SLC36A1: variants seen among roughly 807,000 people sequenced by gnomAD.
SLC36A1 encodes solute carrier family 36 member 1.
Under a neutral mutation model 47.5 loss-of-function variants are expected in SLC36A1, and 30 were observed. That is an observed-to-expected ratio of 0.63 (90% CI 0.47 to 0.86). The LOEUF (loss-of-function observed/expected upper bound fraction) is 0.86, where lower values mean the gene tolerates loss of function less well. Ranked by LOEUF, SLC36A1 falls within the 40% of genes least tolerant of loss-of-function variation. The probability of loss-of-function intolerance (pLI) is 0.00; values close to 1 mark genes in which losing one functional copy is unlikely to be tolerated. For missense variants in SLC36A1, 517 were observed against 606.0 expected (o/e 0.85, Z 1.54); for synonymous variants, 255 against 249.7 (o/e 1.02, Z -0.20).
chr5:151,420,405 T>C, the SLC36A1 span, among the ~76,000 whole-genome samples: 1 of 152,194 alleles, frequency 6.6e-6, no homozygotes, highest in East Asian at 1.9e-4. Context: ...AGTCAGGACC[T>C]GACCCTAGGC....
downstream of SLC36A1, among the ~76,000 whole-genome samples, chr5:151,496,836 C>T (rs1472587611): frequency 6.6e-6 from 1 of 152,098 alleles, no homozygotes; most frequent in Non-Finnish European, 1.5e-5. Flanking sequence ...TTTATCAGAT[C>T]CTGTGTTTTG....
the SLC36A1 span, chr5:151,534,397 T>G: frequency 6.3e-7 from 1 of 1,594,904 alleles, no homozygotes; most frequent in Non-Finnish European, 8.6e-7. Context: ...CCTCAATCCT[T>G]CTCAGACTCA....
chr5:151,443,618 C>T (rs1277105588), upstream of SLC36A1, among the ~76,000 whole-genome samples: 2 of 152,120 alleles, frequency 1.3e-5, no homozygotes, highest in Non-Finnish European at 2.9e-5. Flanking sequence ...CATAAGCTGC[C>T]GTTACACTTT....
the SLC36A1 span, chr5:151,504,990 C>G: frequency 1.3e-5 from 2 of 154,956 alleles, no homozygotes; most frequent in East Asian, 3.8e-4. Flanking sequence ...TGACGTGGAG[C>G]AGACACTTGA....
the SLC36A1 span, chr5:151,380,763 TG>T: frequency 1.9e-6 from 1 of 537,012 alleles, no homozygotes; most frequent in South Asian, 1.4e-5. Context: ...TGCAGACAGA[TG>T]GTGGACATTG....
chr5:151,496,286 C>T (rs149844352), downstream of SLC36A1, among the ~76,000 whole-genome samples: 7 of 152,280 alleles, frequency 4.6e-5, no homozygotes, highest in South Asian at 4.1e-4. Flanking sequence ...CCTTCCGCCG[C>T]GATTGTGAGG....
the SLC36A1 span, chr5:151,521,494 G>C: frequency 2.5e-6 from 4 of 1,614,118 alleles, no homozygotes; most frequent in South Asian, 4.4e-5. Context: ...GATGATGGAT[G>C]CTAGCTCCTG....
the SLC36A1 span, chr5:151,347,354 G>A: frequency 6.2e-7 from 1 of 1,614,132 alleles, no homozygotes; most frequent in East Asian, 2.2e-5. Context: ...ATCCAAGAAT[G>A]TAGAGTCCTT....
At chr5:151,438,760 A>C (rs1393260334) in intron 1 of SLC36A1, among the ~76,000 whole-genome samples, 2 of 152,186 alleles carry the variant, frequency 1.3e-5, no homozygotes, top group African/African-American at 4.8e-5. Context: ...CAGGCACCAG[A>C]GACCTGGCAT....
the SLC36A1 span, among the ~76,000 whole-genome samples, chr5:151,374,062 G>A: frequency 6.6e-6 from 1 of 152,156 alleles, no homozygotes; most frequent in East Asian, 1.9e-4. Flanking sequence ...CTAGTCCAAG[G>A]TGCAAGGCCC....
the SLC36A1 span, among the ~76,000 whole-genome samples, chr5:151,430,799 C>A: frequency 2.0e-5 from 3 of 152,130 alleles, no homozygotes; most frequent in Admixed American, 1.3e-4. Context: ...TTTTGGGTAT[C>A]CTCACTGGCA....
At chr5:151,530,465 A>G in the SLC36A1 span, among the ~76,000 whole-genome samples, 10 of 152,338 alleles carry the variant, frequency 6.6e-5, no homozygotes, top group East Asian at 1.3e-3. Context: ...GGAAAATTCT[A>G]TTAGACACAT....
At chr5:151,481,639 C>CTT (rs796528266) in intron 10 of SLC36A1, among the ~76,000 whole-genome samples, 2 of 145,892 alleles carry the variant, frequency 1.4e-5, no homozygotes, top group African/African-American at 5.0e-5. Context: ...AGTGTAGTTT[C>CTT]TTTTTTTTTT....
chr5:151,544,282 G>A, the SLC36A1 span: 3 of 1,614,230 alleles, frequency 1.9e-6, no homozygotes, highest in East Asian at 6.7e-5. Flanking sequence ...CAAGCCTTCT[G>A]AGATGGAAGT....
the SLC36A1 span, among the ~76,000 whole-genome samples, chr5:151,377,311 T>G: frequency 6.6e-6 from 1 of 151,814 alleles, no homozygotes; most frequent in Non-Finnish European, 1.5e-5. Flanking sequence ...AGTGGGGTAT[T>G]GAAGTCCCCC....
chr5:151,473,521 G>A (rs998273626), intron 7 of SLC36A1, 152 bp from the exon 8 acceptor site: 2 of 595,832 alleles, frequency 3.4e-6, no homozygotes, highest in African/African-American at 3.7e-5. Context: ...AAGGTTAAAT[G>A]TCCCTAAATC....
At chr5:151,527,382 T>A in the SLC36A1 span, 1 of 1,597,840 alleles carries the variant, frequency 6.3e-7, no homozygotes, top group South Asian at 1.1e-5. Context: ...AGAGGCCTAT[T>A]GCAAAATGTC....
chr5:151,545,761 G>A, the SLC36A1 span: 23 of 1,613,960 alleles, frequency 1.4e-5, no homozygotes, highest in Non-Finnish European at 1.8e-5. Flanking sequence ...ACTGTCAGAG[G>A]CATGAATCAC....
In SLC36A1 at chr5:151,491,732, A is replaced by G. The variant is rs190963739; in HGVS notation, c.*3478A>G. 3 of 152,758 alleles carry G rather than the reference A, an allele frequency of 2.0e-5. No homozygotes were observed. Among genetic ancestry groups the G allele is most frequent in the Admixed American group, 2.0e-4 (3 of 15,306 alleles). 9.5% of individuals were successfully genotyped at this position (152,758 alleles called of 1,614,324 possible). A position where few individuals can be genotyped will look rare whatever the true frequency, so the allele number is the denominator to read the frequency against. On this transcript the variant is annotated 3_prime_UTR_variant, in exon 11 of 11. Transcript: ENST00000243389. Reference sequence around the variant, plus strand: ...AGCATCTGCCCCTGCTGGGTGCACAATGCTGCTTCCTCGAAGAGAAGACAC... The same window carrying G: ...AGCATCTGCCCCTGCTGGGTGCACAGTGCTGCTTCCTCGAAGAGAAGACAC...
Sources: allele counts gnomAD v4.1 joint callset (sites outside exome capture counted in the v4.1 genomes callset), GRCh38; gene constraint gnomAD v4.1.1; transcripts MANE v1.5; gene names NCBI Gene and HGNC (gene_info 2026-07-23, HGNC 2026-07-21).